SEMA6D: variants seen among roughly 807,000 people sequenced by gnomAD.
SEMA6D encodes semaphorin 6D.
In SEMA6D, 35 loss-of-function variants were observed where a neutral mutation model predicts 106.6. The ratio of observed to expected loss-of-function variants is 0.33; its 90% CI spans 0.25 to 0.44. The LOEUF is 0.44. Among genes scored for constraint, SEMA6D ranks in the 20% least tolerant of loss-of-function variants. The probability of loss-of-function intolerance (pLI) is 1.00; values close to 1 mark genes in which losing one functional copy is unlikely to be tolerated. For synonymous variants in SEMA6D, 499 were observed against 487.7 expected, an observed-to-expected ratio of 1.02 and a Z score of -0.31; for missense variants, 1,185 against 1,345.9, an observed-to-expected ratio of 0.88 and a Z score of 1.87.
At chr15:47,759,637 G>A (rs897198701) in intron 1 of SEMA6D, 108 bp from the exon 2 acceptor site, 5 of 611,056 alleles carry the variant, frequency 8.2e-6, no homozygotes, top group Admixed American at 2.8e-5. Context: ...CATTCCTGGT[G>A]GGAGAGGGGC....
chr15:47,696,951 C>A (rs565666056), intron 4 of SEMA6D, among the ~76,000 whole-genome samples: 3 of 152,224 alleles, frequency 2.0e-5, no homozygotes, highest in South Asian at 2.1e-4. Context: ...ATCATTCTTG[C>A]GGTTGTTGTC....
At chr15:47,766,361 T>C (rs909978199) in intron 15 of SEMA6D, among the ~76,000 whole-genome samples, 179 bp downstream of exon 15, 1 of 151,952 alleles carries the variant, frequency 6.6e-6, no homozygotes, top group Non-Finnish European at 1.5e-5. Flanking sequence ...TTAAGGGAAA[T>C]GGTAGACCTA....
At chr15:47,552,525 TACACAC>T (rs144968308) in intron 3 of SEMA6D, among the ~76,000 whole-genome samples, 2,346 of 129,888 alleles carry the variant, frequency 0.018, 50 homozygotes, top group East Asian at 0.062. Flanking sequence ...TATATATGTA[TACACAC>T]ACACACACAC....
intron 1 of SEMA6D, among the ~76,000 whole-genome samples, chr15:47,400,302 C>G (rs1264794366): frequency 6.6e-6 from 1 of 151,966 alleles, no homozygotes; most frequent in South Asian, 2.1e-4. Flanking sequence ...CCAGCTTGGC[C>G]AACAGGACAA....
At position 47,494,747 on chromosome 15, in the gene SEMA6D, T is replaced by G. The variant is rs1205756330; in HGVS notation, c.-87+24202T>G. ...ATCTGGAGAGTGGGATGGAGATATA[T>G]ATATATATATATATATATATATATA... On this transcript the variant is annotated intron_variant, in intron 3 of 19. Coordinates refer to the SEMA6D transcript ENST00000558014. 1.8e-3 allele frequency among the ~76,000 whole-genome samples: 97 copies of G among 52,598 alleles called. 2 individuals carry two copies. The highest frequency in any genetic ancestry group is 0.013 in the South Asian group (22 of 1,684). The allele number at this position is 52,598 out of a possible 152,430, so 34.5% of individuals were successfully genotyped here.
At chr15:47,609,292 A>G (rs2076844435) in intron 4 of SEMA6D, among the ~76,000 whole-genome samples, 1 of 152,246 alleles carries the variant, frequency 6.6e-6, no homozygotes, top group African/African-American at 2.4e-5. Context: ...AGGGAAGGAT[A>G]TGAATGTATA....
chr15:47,219,526 C>T (rs1029852534), intron 1 of SEMA6D, among the ~76,000 whole-genome samples: 7 of 152,190 alleles, frequency 4.6e-5, no homozygotes, highest in Admixed American at 3.9e-4. Context: ...CACTCCCAAA[C>T]ACAAATGTGA....
intron 3 of SEMA6D, among the ~76,000 whole-genome samples, chr15:47,557,129 C>T (rs926526724): frequency 3.9e-5 from 6 of 152,028 alleles, no homozygotes; most frequent in South Asian, 2.1e-4. Flanking sequence ...CAGGAGGGGC[C>T]GGTGTGGTGC....
chr15:47,422,668 C>G (rs1479543637), intron 2 of SEMA6D, among the ~76,000 whole-genome samples: 1 of 152,012 alleles, frequency 6.6e-6, no homozygotes, highest in Non-Finnish European at 1.5e-5. Context: ...CTTCAGTAAA[C>G]CATTTGACTC....
Position 47,297,376 on chromosome 15 carries a change from G to A in SEMA6D, c.-239+112958G>A, listed in dbSNP as rs184594876. The stretch of plus-strand genomic sequence containing the variant: ...ACTGTTAGCAGGTGATTTAGCACTC[G>A]TCAGTTTGTCTAGCCTTTTCATATA... On this transcript the variant is annotated intron_variant, in intron 1 of 19. Coordinates refer to the SEMA6D transcript ENST00000558014. Among the ~76,000 whole-genome samples the A allele has an allele frequency of 2.0e-3, 300 of 152,142 alleles. 2 individuals are homozygous for A. Among genetic ancestry groups the A allele is most frequent in the Non-Finnish European group, 1.0e-3 (70 of 68,008 alleles).
rs137986541 is a variant in SEMA6D, at chr15:47,384,386, T to C, written c.-238-28007T>C. 1.4e-3 allele frequency among the ~76,000 whole-genome samples: 211 copies of C among 152,326 alleles called. 2 individuals are homozygous for C. The highest frequency in any genetic ancestry group is 4.9e-3 in the African/African-American group (205 of 41,578). Reference sequence around the variant, plus strand: ...TCACCTTTCTCTTTTCCCTGAAACATCTTTATCTGCTTCCCACTCTTCCAT... The same window carrying C: ...TCACCTTTCTCTTTTCCCTGAAACACCTTTATCTGCTTCCCACTCTTCCAT... On this transcript the variant is annotated intron_variant, in intron 1 of 19. Transcript: ENST00000558014.
intron 1 of SEMA6D, among the ~76,000 whole-genome samples, chr15:47,368,351 G>A (rs1291104643): frequency 1.3e-5 from 2 of 152,192 alleles, no homozygotes; most frequent in Non-Finnish European, 2.9e-5. Flanking sequence ...AGGCAACAAA[G>A]TAGGTTTTCC....
At chr15:47,704,823 A>G (rs1408454470) in intron 4 of SEMA6D, among the ~76,000 whole-genome samples, 1 of 152,232 alleles carries the variant, frequency 6.6e-6, no homozygotes, top group Non-Finnish European at 1.5e-5. Context: ...TTCTTTTAAA[A>G]AAAGGATTCT....
At chr15:47,755,746 A>C (rs1279226809) in intron 1 of SEMA6D, among the ~76,000 whole-genome samples, 1 of 151,886 alleles carries the variant, frequency 6.6e-6, no homozygotes, top group Non-Finnish European at 1.5e-5. Flanking sequence ...TGACTGCCAG[A>C]AATTTGACTT....
At chr15:47,730,146 C>G (rs2080020148) in intron 1 of SEMA6D, 2 of 1,396,052 alleles carry the variant, frequency 1.4e-6, no homozygotes, top group Admixed American at 1.7e-5. Flanking sequence ...TACATTTAAC[C>G]CAATTTAGTG....
At chr15:47,524,778 A>G (rs1376212282) in intron 3 of SEMA6D, among the ~76,000 whole-genome samples, 1 of 152,198 alleles carries the variant, frequency 6.6e-6, no homozygotes, top group African/African-American at 2.4e-5. Flanking sequence ...AGGCTACTGA[A>G]GTACATTGCT....
chr15:47,592,636 G>A (rs1280402826), intron 3 of SEMA6D, among the ~76,000 whole-genome samples: 2 of 152,166 alleles, frequency 1.3e-5, no homozygotes, highest in African/African-American at 4.8e-5. Context: ...TAGAGACAGA[G>A]ACCATGTCAA....
chr15:47,373,720 AT>A (rs2039355789), intron 1 of SEMA6D, among the ~76,000 whole-genome samples: 1 of 152,184 alleles, frequency 6.6e-6, no homozygotes, highest in Non-Finnish European at 1.5e-5. Context: ...CTACTGAACT[AT>A]TGTTATTGGT....
At chr15:47,325,205 C>T (rs2037082233) in intron 1 of SEMA6D, among the ~76,000 whole-genome samples, 1 of 150,348 alleles carries the variant, frequency 6.7e-6, no homozygotes, top group Non-Finnish European at 1.5e-5. Context: ...CAGAGTCTCG[C>T]TCTTGTTGCC....
Sources: allele counts gnomAD v4.1 joint callset (sites outside exome capture counted in the v4.1 genomes callset), GRCh38; gene constraint gnomAD v4.1.1; transcripts MANE v1.5; gene names NCBI Gene and HGNC (gene_info 2026-07-23, HGNC 2026-07-21).